BTBD16: variants seen among roughly 807,000 people sequenced by gnomAD.
The protein encoded by BTBD16 is BTB/POZ domain-containing protein 16.
In BTBD16, 66 loss-of-function variants were observed where a neutral mutation model predicts 67.4. That is an observed-to-expected ratio of 0.98 (90% confidence interval 0.80 to 1.20). The LOEUF is 1.20. BTBD16 is among the 50% of genes most tolerant of loss of function. The pLI is 0.00. For missense variants in BTBD16, 634 were observed against 616.0 expected, an observed-to-expected ratio of 1.03 and a Z score of -0.31; for synonymous variants, 242 against 236.4, an observed-to-expected ratio of 1.02 and a Z score of -0.22.
At chr10:122,274,108 C>G (rs943041912) in intron 1 of BTBD16, among the ~76,000 whole-genome samples, 1 of 152,208 alleles carries the variant, frequency 6.6e-6, no homozygotes, top group Non-Finnish European at 1.5e-5. Context: ...TCATCAAGTG[C>G]CGTGGCTTCT....
At chr10:122,306,312 C>T (rs1346511437) in intron 9 of BTBD16, among the ~76,000 whole-genome samples, 2 of 152,234 alleles carry the variant, frequency 1.3e-5, no homozygotes, top group African/African-American at 4.8e-5. Flanking sequence ...TTGTTTGGTA[C>T]TTCTGACCTC....
Position 122,276,909 on chromosome 10 carries a change from A to G in BTBD16, c.137A>G (p.Asp46Gly). ...LSQMCKALSIDFEEALRNPDR... is the reference protein window; with the variant it reads ...LSQMCKALSIGFEEALRNPDR... ...CAGATGTGCAAGGCTCTGAGCATAG[A>G]CTTTGAGGAAGCTTTGAGGAACCCA... The change falls in exon 3 of 16, where the codon GAC becomes GGC. Residue 46 changes from aspartate (D) to glycine (G), a missense_variant. By Grantham distance (94) the Asp-to-Gly change is moderately conservative. Transcript: ENST00000260723. 6.2e-7 allele frequency: 1 copy of G among 1,614,134 alleles called. No individual in the cohort carries two copies. Among genetic ancestry groups the G allele is most frequent in the South Asian group, 1.1e-5 (1 of 91,068 alleles).
intron 10 of BTBD16, among the ~76,000 whole-genome samples, chr10:122,325,935 C>CA: frequency 6.6e-6 from 1 of 152,152 alleles, no homozygotes; most frequent in East Asian, 1.9e-4. Flanking sequence ...CTCGGCCTCC[C>CA]AAAGTGCTGG....
intron 3 of BTBD16, among the ~76,000 whole-genome samples, chr10:122,278,242 G>A (rs755038019): frequency 6.6e-5 from 10 of 152,184 alleles, no homozygotes; most frequent in Non-Finnish European, 1.2e-4. Flanking sequence ...GCAGTGGCCT[G>A]AGGGGTGGGG....
intron 4 of BTBD16, 86 bp from the exon 5 acceptor site, chr10:122,286,019 C>CA: frequency 7.5e-7 from 1 of 1,327,866 alleles, no homozygotes; most frequent in Non-Finnish European, 1.1e-6. Context: ...ATCCACCGAG[C>CA]AAAGGAGCTG....
intron 11 of BTBD16, 40 bp downstream of exon 11, chr10:122,329,611 G>T: frequency 6.4e-7 from 1 of 1,568,050 alleles, no homozygotes. Context: ...CGGGAAAGCT[G>T]CTGGGCACCT....
At chr10:122,294,468 C>G (rs1293212642) in intron 7 of BTBD16, among the ~76,000 whole-genome samples, 1 of 152,242 alleles carries the variant, frequency 6.6e-6, no homozygotes, top group Non-Finnish European at 1.5e-5. Flanking sequence ...ATGTCAATAT[C>G]TTTATTGGCA....
intron 10 of BTBD16, among the ~76,000 whole-genome samples, chr10:122,311,217 A>T (rs1183114109): frequency 6.6e-6 from 1 of 152,194 alleles, no homozygotes; most frequent in African/African-American, 2.4e-5. Flanking sequence ...TTCTTTGCCT[A>T]GCCAGATGTT....
In BTBD16 at chr10:122,329,618, A is replaced by G. The variant is rs760547962; in HGVS notation, c.1003+47A>G. On this transcript the variant is annotated intron_variant, in intron 11 of 15. Transcript: ENST00000260723. The stretch of plus-strand genomic sequence containing the variant: ...CGCATCCACGGGAAAGCTGCTGGGC[A>G]CCTGCCCACCCCCCAGCCACTGCCG... 3.9e-6 allele frequency: 6 copies of G among 1,526,386 alleles called. No homozygotes were observed. In the East Asian group the frequency reaches 1.1e-4, roughly 29 times the overall value. The allele number at this position is 1,526,386 out of a possible 1,614,324, so 94.6% of individuals were successfully genotyped here. A position where few individuals can be genotyped will look rare whatever the true frequency, so the allele number is the denominator to read the frequency against.
chr10:122,305,763 T>G (rs75092311), intron 9 of BTBD16, among the ~76,000 whole-genome samples: 9,014 of 152,306 alleles, frequency 0.059, 378 homozygotes, highest in Non-Finnish European at 0.087. Flanking sequence ...AGGTAGGCCC[T>G]GTGTCTATTG....
Position 122,276,896 on chromosome 10 carries a change from G to C in BTBD16, c.124G>C (p.Ala42Pro). 1.2e-6 allele frequency: 2 copies of C among 1,614,216 alleles called. No individual in the cohort carries two copies. Among genetic ancestry groups the C allele is most frequent in the Non-Finnish European group, 1.7e-6 (2 of 1,180,036 alleles). The change falls in exon 3 of 16, where the codon GCT becomes CCT. Residue 42 changes from alanine (A) to proline (P), a missense_variant. By Grantham distance (27) the Ala-to-Pro change is conservative. Coordinates refer to ENST00000260723, the MANE Select transcript of BTBD16 (RefSeq NM_144587.5). ...DLLSLSQMCK[A>P]LSIDFEEALR... Reference sequence around the variant, plus strand: ...GCTCTCACTTTCCCAGATGTGCAAGGCTCTGAGCATAGACTTTGAGGAAGC... The same window carrying C: ...GCTCTCACTTTCCCAGATGTGCAAGCCTCTGAGCATAGACTTTGAGGAAGC...
At chr10:122,282,511 G>T (rs1045841750) in intron 3 of BTBD16, among the ~76,000 whole-genome samples, 2 of 152,220 alleles carry the variant, frequency 1.3e-5, no homozygotes. Context: ...AGACAGCGTG[G>T]TGAAGTTGAC....
intron 9 of BTBD16, among the ~76,000 whole-genome samples, chr10:122,304,766 G>A (rs1220570851): frequency 6.6e-6 from 1 of 152,034 alleles, no homozygotes; most frequent in East Asian, 1.9e-4. Context: ...TGTTAGCCAA[G>A]ATGGTCTTGA....
At chr10:122,274,202 G>C (rs765606308) in intron 1 of BTBD16, among the ~76,000 whole-genome samples, 1 of 152,226 alleles carries the variant, frequency 6.6e-6, no homozygotes, top group Non-Finnish European at 1.5e-5. Context: ...CGTTCTTGTT[G>C]GGAGAATTAG....
At chr10:122,333,982 GA>G (rs1180892109) in intron 13 of BTBD16, among the ~76,000 whole-genome samples, 1 of 151,992 alleles carries the variant, frequency 6.6e-6, no homozygotes, top group Admixed American at 6.6e-5. Context: ...ATGTGGTATA[GA>G]ATTTTTTTTT....
chr10:122,332,198 C>G, intron 12 of BTBD16: 1 of 499,468 alleles, frequency 2.0e-6, no homozygotes, highest in African/African-American at 1.9e-5. Flanking sequence ...TGAGACTGCT[C>G]AGATACTTTT....
chr10:122,279,056 C>A (rs1161100315), intron 3 of BTBD16, among the ~76,000 whole-genome samples: 2 of 152,216 alleles, frequency 1.3e-5, no homozygotes, highest in Non-Finnish European at 2.9e-5. Context: ...GGACAGAAAA[C>A]ACACTCCGTC....
At chr10:122,288,947 G>C (rs1400535861) in intron 5 of BTBD16, among the ~76,000 whole-genome samples, 2 of 152,200 alleles carry the variant, frequency 1.3e-5, no homozygotes, top group Non-Finnish European at 2.9e-5. Context: ...TGTGCCAAGG[G>C]TGTGGGGCAC....
chr10:122,290,416 C>T (rs2096371779), intron 6 of BTBD16, among the ~76,000 whole-genome samples: 1 of 152,188 alleles, frequency 6.6e-6, no homozygotes, highest in Non-Finnish European at 1.5e-5. Flanking sequence ...CCAACTTGGG[C>T]TCACTCTCTC....
Sources: allele counts gnomAD v4.1 joint callset (sites outside exome capture counted in the v4.1 genomes callset), GRCh38; gene constraint gnomAD v4.1.1; transcripts MANE v1.5; gene names NCBI Gene and HGNC (gene_info 2026-07-23, HGNC 2026-07-21).